Variants in MBTPS2 observed in about 807,000 individuals in gnomAD.
MBTPS2 encodes membrane bound transcription factor peptidase, site 2, also known as membrane-bound transcription factor site-2 protease.
Under a neutral mutation model 35.4 loss-of-function variants are expected in MBTPS2, and 2 were observed. That is an observed-to-expected ratio of 0.06 (90% CI 0.02 to 0.18). MBTPS2 has a LOEUF of 0.18. Among genes scored for constraint, MBTPS2 ranks in the 10% least tolerant of loss-of-function variants. MBTPS2 has a pLI of 1.00. For missense variants in MBTPS2, 244 were observed against 386.5 expected, an observed-to-expected ratio of 0.63 and a Z score of 3.09; for synonymous variants, 125 against 140.4, an observed-to-expected ratio of 0.89 and a Z score of 0.77.
In MBTPS2 at chrX:21,883,981, G is replaced by C. The variant is rs956522517; in HGVS notation, c.*1326G>C. On this transcript the variant is annotated 3_prime_UTR_variant, in exon 11 of 11. Coordinates refer to ENST00000379484, the MANE Select transcript of MBTPS2 (RefSeq NM_015884.4). ...ATGCTTCTCTTGTATACTCAGAAGT[G>C]ACTAAGGGCAATAACTCATTAATAG... 4 of 751,083 alleles carry C rather than the reference G, an allele frequency of 5.3e-6. No homozygotes were observed. In the African/African-American group the frequency reaches 7.0e-5, roughly 13 times the overall value. The allele number at this position is 751,083 out of a possible 1,213,427, so 61.9% of individuals were successfully genotyped here.
chrX:21,849,735 A>G (rs895718052), intron 3 of MBTPS2, among the ~76,000 whole-genome samples: 1 of 108,835 alleles, frequency 9.2e-6, no homozygotes, highest in African/African-American at 3.3e-5. Context: ...TAAGAGATAG[A>G]GACAGGACCG....
Position 21,857,217 on chromosome X carries a change from A to G in MBTPS2, c.670+3714A>G, listed in dbSNP as rs769297422. 10 of 1,211,979 alleles carry G rather than the reference A, an allele frequency of 8.3e-6. No homozygotes were observed. The highest frequency in any genetic ancestry group is 1.0e-5 in the Non-Finnish European group (9 of 895,619). Reference sequence around the variant, plus strand: ...AGAATTTACTAAAGTGAAGCCCAAAAGGTCCAAAGGAGAACCTCCCAAAAC... The same window carrying G: ...AGAATTTACTAAAGTGAAGCCCAAAGGGTCCAAAGGAGAACCTCCCAAAAC... On this transcript the variant is annotated intron_variant, in intron 5 of 10. Coordinates refer to ENST00000379484, the MANE Select transcript of MBTPS2 (RefSeq NM_015884.4).
At chrX:21,855,406 T>G (rs973519709) in intron 5 of MBTPS2, among the ~76,000 whole-genome samples, 1 of 110,382 alleles carries the variant, frequency 9.1e-6, no homozygotes, top group Admixed American at 9.6e-5. Flanking sequence ...ATAATTACAA[T>G]GGGAGAAATT....
At chrX:21,877,299 G>A (rs2092954215) in intron 7 of MBTPS2, among the ~76,000 whole-genome samples, 1 of 111,581 alleles carries the variant, frequency 9.0e-6, no homozygotes, top group Non-Finnish European at 1.9e-5. Flanking sequence ...AAAATTAGCC[G>A]GGTGCAGTGG....
intron 7 of MBTPS2, chrX:21,872,853 C>A (rs761303608): frequency 3.4e-4 from 36 of 107,126 alleles, no homozygotes; most frequent in African/African-American, 1.1e-3. Context: ...GGCTTAGCCC[C>A]TGGGTCTGTG....
chrX:21,869,030 A>G (rs764044067), intron 6 of MBTPS2, among the ~76,000 whole-genome samples: 15 of 112,640 alleles, frequency 1.3e-4, no homozygotes, highest in African/African-American at 4.8e-4. Flanking sequence ...CTATGATGGC[A>G]TCAAATCTTG....
At position 21,883,263 on chromosome X, in the gene MBTPS2, A is replaced by T; in HGVS notation, c.*608A>T. 1 of 758,161 alleles carries T rather than the reference A, an allele frequency of 1.3e-6. No individual in the cohort carries two copies. Among genetic ancestry groups the T allele is most frequent in the Non-Finnish European group, 1.6e-6 (1 of 641,299 alleles). 62.5% of individuals were successfully genotyped at this position (758,161 alleles called of 1,213,427 possible). ...AAATGATACCAAATAAATGAACAAA[A>T]CAGGAAGTAGGGCCTATGATATCGT... On this transcript the variant is annotated 3_prime_UTR_variant, in exon 11 of 11. Coordinates refer to ENST00000379484, the MANE Select transcript of MBTPS2 (RefSeq NM_015884.4).
At chrX:21,843,990 G>T (rs1408671278) in intron 2 of MBTPS2, among the ~76,000 whole-genome samples, 1 of 107,280 alleles carries the variant, frequency 9.3e-6, no homozygotes, top group Non-Finnish European at 1.9e-5. Flanking sequence ...TGGCGCACGT[G>T]GTCCCAGCTA....
chrX:21,843,399 A>T (rs2092904925), intron 2 of MBTPS2, 81 bp downstream of exon 2: 1 of 999,810 alleles, frequency 1.0e-6, no homozygotes, highest in African/African-American at 1.9e-5. Flanking sequence ...AACTATTTCC[A>T]TTACTTTGCA....
chrX:21,880,823 A>G (rs1178215851), intron 9 of MBTPS2, 74 bp from the exon 10 acceptor site: 34 of 733,762 alleles, frequency 4.6e-5, no homozygotes, highest in Non-Finnish European at 7.0e-5. Flanking sequence ...ATTTTTAACC[A>G]TATGGTAGAA....
At chrX:21,846,783 A>C (rs1161269343) in intron 3 of MBTPS2, among the ~76,000 whole-genome samples, 1 of 112,081 alleles carries the variant, frequency 8.9e-6, no homozygotes, top group Admixed American at 9.5e-5. Flanking sequence ...TGGAGGCAAG[A>C]GAACAGGATA....
Position 21,843,204 on chromosome X carries a change from G to C in MBTPS2, c.110G>C (p.Trp37Ser). The C allele has an allele frequency of 1.7e-6, 2 of 1,210,087 alleles. No individual in the cohort carries two copies. Among genetic ancestry groups the C allele is most frequent in the Non-Finnish European group, 2.2e-6 (2 of 893,995 alleles). The change falls in exon 2 of 11, where the codon TGG (tryptophan) becomes TCG (serine). Residue 37 changes from tryptophan (W) to serine (S), a missense_variant. Physicochemically the swap from Trp to Ser is radical, Grantham distance 177. Transcript: ENST00000379484. ...TATTTTAAACATTCTTATGAAGACTGGCTGGAAAACAACGGACTGAGCATC... is the reference window on the plus strand; with the variant it reads ...TATTTTAAACATTCTTATGAAGACTCGCTGGAAAACAACGGACTGAGCATC... ...SVYFKHSYED[W>S]LENNGLSISP...
rs962970361 is a variant in MBTPS2, at chrX:21,885,367, G to A, written c.*2712G>A. 1.3e-5 allele frequency: 10 copies of A among 747,372 alleles called. No individual in the cohort carries two copies. Among genetic ancestry groups the A allele is most frequent in the African/African-American group, 2.3e-5 (1 of 43,102 alleles). 61.6% of individuals were successfully genotyped at this position (747,372 alleles called of 1,213,427 possible). A position where few individuals can be genotyped will look rare whatever the true frequency, so the allele number is the denominator to read the frequency against. On this transcript the variant is annotated 3_prime_UTR_variant, in exon 11 of 11. Coordinates refer to ENST00000379484, the MANE Select transcript of MBTPS2 (RefSeq NM_015884.4). ...GCTTTAACTTGAAGGTATCGTAATTGCCGGCATTTGATGTTTAGCAATAAA... is the reference window on the plus strand; with the variant it reads ...GCTTTAACTTGAAGGTATCGTAATTACCGGCATTTGATGTTTAGCAATAAA...
rs2092900399 is a variant in MBTPS2, at chrX:21,839,656, G to GTC, written c.-79_-78insTC. On this transcript the variant is annotated 5_prime_UTR_variant, in exon 1 of 11. Transcript: ENST00000379484. ...TCCTGAGCGGATGCTGGGGCTGTAA[G>GTC]GCGCGCGCGGTCAGCTGTTGGCGGT... is the stretch of plus-strand genomic sequence containing the variant. The GTC allele has an allele frequency of 2.9e-6, 3 of 1,034,157 alleles. No individual in the cohort carries two copies. Among genetic ancestry groups the GTC allele is most frequent in the Admixed American group, 2.6e-5 (1 of 38,388 alleles). The allele number at this position is 1,034,157 out of a possible 1,213,427, so 85.2% of individuals were successfully genotyped here.
intron 1 of MBTPS2, among the ~76,000 whole-genome samples, chrX:21,842,347 G>A (rs1271270611): frequency 9.0e-6 from 1 of 111,447 alleles, no homozygotes; most frequent in Non-Finnish European, 1.9e-5. Context: ...TTACATGATC[G>A]AGGTTGGCCT....
intron 3 of MBTPS2, among the ~76,000 whole-genome samples, chrX:21,846,731 A>T (rs908168842): frequency 3.6e-5 from 4 of 112,017 alleles, no homozygotes; most frequent in African/African-American, 1.3e-4. Context: ...TTTTACTTAC[A>T]GTTTTAAACC....
At chrX:21,845,416 T>C (rs1042400593) in intron 3 of MBTPS2, 32 bp downstream of exon 3, 2 of 1,152,616 alleles carry the variant, frequency 1.7e-6, no homozygotes, top group Admixed American at 2.5e-5. Context: ...TAAATAACTA[T>C]CGAAATAGAG....
At chrX:21,870,446 T>TAA (rs1333473522) in intron 7 of MBTPS2, 1 of 111,272 alleles carries the variant, frequency 9.0e-6, no homozygotes, top group Non-Finnish European at 1.9e-5. Context: ...ACTAAATATA[T>TAA]AAAAATCAAA....
At chrX:21,859,714 T>C (rs1430651393) in intron 5 of MBTPS2, among the ~76,000 whole-genome samples, 2 of 111,685 alleles carry the variant, frequency 1.8e-5, no homozygotes, top group South Asian at 3.7e-4. Context: ...GCTACTGGCA[T>C]CTGGTGGGTG....
Sources: gnomAD v4.1 joint callset for allele counts (sites outside exome capture counted in the v4.1 genomes callset) on GRCh38, gnomAD v4.1.1 for gene constraint, MANE v1.5 for transcripts, NCBI Gene and HGNC (gene_info 2026-07-23, HGNC 2026-07-21) for gene names.